The following R3HDM2 variants were observed in gnomAD, a reference collection of about 807,000 sequenced individuals.
R3HDM2 encodes the protein R3H domain-containing protein 2.
Under a neutral mutation model 124.5 loss-of-function variants are expected in R3HDM2, and 38 were observed. The ratio of observed to expected loss-of-function variants is 0.31; its 90% CI spans 0.24 to 0.40. The LOEUF (loss-of-function observed/expected upper bound fraction) is 0.40, where lower values mean the gene tolerates loss of function less well. R3HDM2 is among the 10% of genes least tolerant of loss of function. The pLI, the probability that R3HDM2 is intolerant of heterozygous loss-of-function variation, is 1.00. For missense variants in R3HDM2, 869 were observed against 1,236.9 expected (o/e 0.70, Z 4.46); for synonymous variants, 391 against 448.0 (o/e 0.87, Z 1.61).
chr12:57,430,260 T>C (rs534002164), intron 1 of R3HDM2, among the ~76,000 whole-genome samples: 13 of 152,266 alleles, frequency 8.5e-5, no homozygotes, highest in African/African-American at 2.4e-4. Flanking sequence ...TTTTAAGCTA[T>C]AGAAACATCT....
At position 57,409,119 on chromosome 12, in the gene R3HDM2, A is replaced by G. The variant is rs942885409; in HGVS notation, c.-105-13301T>C. ...CAGTCAGTAAGGTTCTTTAACACAC[A>G]CAAACCCTAAAATGATTATTAAGCC... On this transcript the variant is annotated intron_variant, in intron 1 of 23. Transcript: ENST00000402412. 7.2e-5 allele frequency among the ~76,000 whole-genome samples: 11 copies of G among 152,226 alleles called. 1 individual carries two copies. Among genetic ancestry groups the G allele is most frequent in the Non-Finnish European group, 1.0e-4 (7 of 68,012 alleles).
At chr12:57,329,357 A>C (rs960498273) in intron 2 of R3HDM2, among the ~76,000 whole-genome samples, 3 of 152,226 alleles carry the variant, frequency 2.0e-5, no homozygotes, top group African/African-American at 7.2e-5. Context: ...GACTTCGTAG[A>C]TCCACAAGAA....
intron 2 of R3HDM2, among the ~76,000 whole-genome samples, chr12:57,367,924 A>G (rs1231583354): frequency 6.6e-6 from 1 of 151,608 alleles, no homozygotes; most frequent in Admixed American, 6.6e-5. Context: ...TTACTTTTCT[A>G]TTTCATTAAA....
At chr12:57,299,742 C>A (rs188500069) in intron 5 of R3HDM2, among the ~76,000 whole-genome samples, 121 of 152,312 alleles carry the variant, frequency 7.9e-4, no homozygotes, top group South Asian at 4.3e-3. Flanking sequence ...TGGTTCTAAC[C>A]ACCAGAGGGG....
At chr12:57,293,468 C>A (rs1238227053) in intron 10 of R3HDM2, among the ~76,000 whole-genome samples, 1 of 151,974 alleles carries the variant, frequency 6.6e-6, no homozygotes, top group East Asian at 1.9e-4. Flanking sequence ...ACCTTACATT[C>A]TCTAGAAAAT....
At chr12:57,418,111 C>T (rs2069828777) in intron 1 of R3HDM2, 1 of 964,290 alleles carries the variant, frequency 1.0e-6, no homozygotes, top group Non-Finnish European at 1.2e-6. Flanking sequence ...TCTCTACCAA[C>T]ATTTCCTCTA....
chr12:57,387,205 T>G (rs1204225274), intron 2 of R3HDM2, among the ~76,000 whole-genome samples: 2 of 152,218 alleles, frequency 1.3e-5, no homozygotes, highest in African/African-American at 4.8e-5. Context: ...CCTTCCACAC[T>G]GTGGAAGCTT....
chr12:57,295,610 CAGGGAATTTCTGGAGTA>C lies in R3HDM2; in HGVS notation c.702-120_702-104del, dbSNP rs1377094345. 4 of 758,178 alleles carry C rather than the reference CAGGGAATTTCTGGAGTA, an allele frequency of 5.3e-6. No homozygotes were observed. The Admixed American group carries it at 1.0e-4, about 20-fold the overall frequency. 47.0% of individuals were successfully genotyped at this position (758,178 alleles called of 1,614,324 possible). A position where few individuals can be genotyped will look rare whatever the true frequency, so the allele number is the denominator to read the frequency against. ...TCTCCTAAATTACACAACTCACACT[CAGGGAATTTCTGGAGTA>C]AGGAATCCAAAAAGTCACATGCAGG... On this transcript the variant is annotated intron_variant, in intron 9 of 23. Transcript: ENST00000402412.
intron 2 of R3HDM2, among the ~76,000 whole-genome samples, chr12:57,378,849 A>G (rs2064436634): frequency 6.6e-6 from 1 of 152,212 alleles, no homozygotes; most frequent in Non-Finnish European, 1.5e-5. Flanking sequence ...AAATGAATGG[A>G]TTTGTTCCAA....
chr12:57,341,994 G>A (rs1460439291), intron 2 of R3HDM2, among the ~76,000 whole-genome samples: 1 of 152,146 alleles, frequency 6.6e-6, no homozygotes, highest in Non-Finnish European at 1.5e-5. Flanking sequence ...AACAGCAAAT[G>A]AAAATGCCTA....
At chr12:57,329,761 G>GAAAAA (rs71084743) in intron 2 of R3HDM2, among the ~76,000 whole-genome samples, 1 of 150,502 alleles carries the variant, frequency 6.6e-6, no homozygotes, top group Admixed American at 6.6e-5. Context: ...AAAAGAAAAA[G>GAAAAA]AAAAAAAAAG....
intron 1 of R3HDM2, among the ~76,000 whole-genome samples, chr12:57,416,927 T>C (rs2069675217): frequency 6.6e-6 from 1 of 151,292 alleles, no homozygotes; most frequent in South Asian, 2.1e-4. Context: ...CTGGCCAACA[T>C]GGTGAAACCC....
At chr12:57,306,702 C>G (rs1593032462) in intron 3 of R3HDM2, among the ~76,000 whole-genome samples, 1 of 152,102 alleles carries the variant, frequency 6.6e-6, no homozygotes, top group African/African-American at 2.4e-5. Flanking sequence ...GCCACCGCGC[C>G]TGGCCTCCAA....
chr12:57,289,256 T>G (rs908536175), intron 11 of R3HDM2, among the ~76,000 whole-genome samples: 2 of 152,084 alleles, frequency 1.3e-5, no homozygotes, highest in African/African-American at 2.4e-5. Flanking sequence ...TTTTAGCCTT[T>G]GGATAGGTGT....
chr12:57,343,764 TAAAA>T (rs5798403), intron 2 of R3HDM2, among the ~76,000 whole-genome samples: 152 of 111,646 alleles, frequency 1.4e-3, no homozygotes, highest in Admixed American at 4.5e-3. Flanking sequence ...TACAAAAGGT[TAAAA>T]AAAAAAAAAA....
At chr12:57,361,136 G>A (rs1460896694) in intron 2 of R3HDM2, among the ~76,000 whole-genome samples, 1 of 151,674 alleles carries the variant, frequency 6.6e-6, no homozygotes, top group Non-Finnish European at 1.5e-5. Context: ...AGAACTTTGG[G>A]AGGCCGAAGT....
At chr12:57,400,457 T>C (rs2067948299) in intron 1 of R3HDM2, among the ~76,000 whole-genome samples, 1 of 151,826 alleles carries the variant, frequency 6.6e-6, no homozygotes, top group South Asian at 2.1e-4. Context: ...GGGGGAGGGA[T>C]AGCATTAGGA....
intron 2 of R3HDM2, among the ~76,000 whole-genome samples, chr12:57,344,036 GATACAT>G (rs1244577814): frequency 6.6e-6 from 1 of 152,096 alleles, no homozygotes; most frequent in Non-Finnish European, 1.5e-5. Flanking sequence ...CAATCACCTA[GATACAT>G]ATACAAACTT....
rs142450838 is a variant in R3HDM2 at position 57,304,578 on chromosome 12, A to G, written c.166-1361T>C. 8 of 882,072 alleles carry G rather than the reference A, an allele frequency of 9.1e-6. No homozygotes were observed. In the East Asian group the frequency reaches 8.4e-4, roughly 93 times the overall value. The allele number at this position is 882,072 out of a possible 1,614,324, so 54.6% of individuals were successfully genotyped here. A position where few individuals can be genotyped will look rare whatever the true frequency, so the allele number is the denominator to read the frequency against. On this transcript the variant is annotated intron_variant, in intron 3 of 23. Transcript: ENST00000402412. ...AATGGAGAACTGGGAAGGTGGATGG[A>G]AAGAATAAGAAATGATGGTGGATCT... is the stretch of plus-strand genomic sequence containing the variant.
Sources: gnomAD v4.1 joint callset for allele counts (sites outside exome capture counted in the v4.1 genomes callset) on GRCh38, gnomAD v4.1.1 for gene constraint, MANE v1.5 for transcripts, NCBI Gene and HGNC (gene_info 2026-07-23, HGNC 2026-07-21) for gene names.